Variants in EYS observed in about 807,000 individuals in gnomAD.
EYS encodes EGF-like photoreceptor maintenance factor, also known as protein eyes shut homolog.
A neutral mutation model predicts 282.1 loss-of-function variants in EYS; 250 were observed. That is an observed-to-expected ratio of 0.89 (90% confidence interval 0.80 to 0.98). The LOEUF (loss-of-function observed/expected upper bound fraction) is 0.98, where lower values mean the gene tolerates loss of function less well. Ranked by LOEUF, EYS falls within the 50% of genes least tolerant of loss-of-function variation. The pLI, the probability that EYS is intolerant of heterozygous loss-of-function variation, is 0.00. For synonymous variants in EYS, 1,355 were observed against 1,282.9 expected (o/e 1.06, Z -1.20); for missense variants, 4,016 against 3,709.0 (o/e 1.08, Z -2.15).
intron 35 of EYS, among the ~76,000 whole-genome samples, chr6:63,944,759 C>G (rs1011048464): frequency 3.3e-5 from 5 of 151,786 alleles, no homozygotes; most frequent in African/African-American, 1.2e-4. Context: ...AACCCCGTCT[C>G]TACTAAAAAA....
intron 42 of EYS, among the ~76,000 whole-genome samples, chr6:63,725,479 T>C (rs1225629232): frequency 1.3e-5 from 2 of 152,164 alleles, no homozygotes; most frequent in African/African-American, 4.8e-5. Context: ...AAGCTGATTG[T>C]CTTTTAATGT....
At chr6:64,391,690 A>G (rs1170721977) in intron 28 of EYS, among the ~76,000 whole-genome samples, 1 of 152,148 alleles carries the variant, frequency 6.6e-6, no homozygotes, top group South Asian at 2.1e-4. Flanking sequence ...TGTAAAGACC[A>G]TCAAGACTAG....
At chr6:64,241,926 G>A (rs1041368048) in intron 30 of EYS, among the ~76,000 whole-genome samples, 4 of 151,632 alleles carry the variant, frequency 2.6e-5, no homozygotes, top group South Asian at 2.1e-4. Context: ...CCTTCATTTC[G>A]TTATTTATTC....
intron 5 of EYS, among the ~76,000 whole-genome samples, chr6:65,448,543 T>C (rs1247361746): frequency 6.6e-6 from 1 of 152,064 alleles, no homozygotes; most frequent in African/African-American, 2.4e-5. Flanking sequence ...CATTAGAACA[T>C]GTCCTTATTC....
intron 8 of EYS, among the ~76,000 whole-genome samples, chr6:65,368,891 A>T (rs1263959754): frequency 6.6e-6 from 1 of 151,488 alleles, no homozygotes; most frequent in East Asian, 1.9e-4. Context: ...ATGAGAGGAG[A>T]TGTAAGGCAT....
chr6:65,374,253 T>C (rs1183334418), intron 8 of EYS, among the ~76,000 whole-genome samples: 1 of 151,954 alleles, frequency 6.6e-6, no homozygotes, highest in Non-Finnish European at 1.5e-5. Context: ...AGAAGCAGGG[T>C]GGGGCATTGC....
intron 22 of EYS, among the ~76,000 whole-genome samples, chr6:64,731,811 G>A (rs369380370): frequency 1.7e-4 from 26 of 152,212 alleles, no homozygotes; most frequent in East Asian, 1.5e-3. Flanking sequence ...CCATTACTGC[G>A]CATATACCCA....
chr6:64,165,559 C>T (rs771820795), intron 31 of EYS, among the ~76,000 whole-genome samples: 24 of 152,128 alleles, frequency 1.6e-4, no homozygotes, highest in Admixed American at 2.6e-4. Flanking sequence ...ATTACAAAGA[C>T]GAAGCATAGA....
chr6:65,133,797 G>A (rs935307550), intron 12 of EYS, among the ~76,000 whole-genome samples: 5 of 151,954 alleles, frequency 3.3e-5, no homozygotes, highest in Admixed American at 2.0e-4. Context: ...AAGAGCTTTT[G>A]CACAGCAAAA....
chr6:63,885,094 A>G lies in EYS; in HGVS notation c.7056-20736T>C, dbSNP rs146098493. On this transcript the variant is annotated intron_variant, in intron 35 of 42. Transcript: ENST00000503581. ...CAGGTTCTAAATGGAAATCTATTAT[A>G]TCCTCCCATATTTTAATCAGGACTT... 2.4e-3 allele frequency among the ~76,000 whole-genome samples: 365 copies of G among 152,294 alleles called. 5 individuals carry two copies. Among genetic ancestry groups the G allele is most frequent in the Admixed American group, 0.02 (313 of 15,290 alleles).
chr6:64,796,747 G>A (rs1562196492), intron 22 of EYS, among the ~76,000 whole-genome samples: 2 of 152,074 alleles, frequency 1.3e-5, no homozygotes, highest in African/African-American at 4.8e-5. Context: ...AGTTGAATAT[G>A]AACATTTCTA....
intron 31 of EYS, among the ~76,000 whole-genome samples, chr6:64,109,221 C>A (rs1773128317): frequency 6.6e-6 from 1 of 152,128 alleles, no homozygotes; most frequent in Admixed American, 6.6e-5. Context: ...ATTATTACAT[C>A]TTTCCTCCCA....
At chr6:64,706,861 T>C (rs1367469839) in intron 22 of EYS, among the ~76,000 whole-genome samples, 1 of 152,164 alleles carries the variant, frequency 6.6e-6, no homozygotes, top group Non-Finnish European at 1.5e-5. Flanking sequence ...TTTACACCAC[T>C]GGTGGGAATG....
At chr6:64,797,808 TTAAA>T (rs1200236332) in intron 22 of EYS, among the ~76,000 whole-genome samples, 1 of 152,016 alleles carries the variant, frequency 6.6e-6, no homozygotes, top group Admixed American at 6.6e-5. Flanking sequence ...CATGTAAATC[TTAAA>T]TAAGCAATAT....
At chr6:65,540,278 G>A (rs182962338) in intron 2 of EYS, among the ~76,000 whole-genome samples, 6 of 152,196 alleles carry the variant, frequency 3.9e-5, no homozygotes, top group African/African-American at 1.4e-4. Context: ...TCTAGTTTTA[G>A]TGGCATAAAT....
Position 65,495,104 on chromosome 6 carries a change from A to C in EYS, c.307T>G (p.Leu103Val). ...AAAGATGTTTCAGAAACATTCATCA[A>C]ATTTATTTCTGGAAATTGAAGAGAT... is the stretch of plus-strand genomic sequence containing the variant. ...EPSLQFPEIN[L>V]MNVSETSFVG... The change falls in exon 4 of 43, where the codon TTG becomes GTG. Residue 103 changes from leucine (L) to valine (V), a missense_variant. Leu to Val is a conservative substitution (Grantham distance 32). Coordinates refer to ENST00000503581, the MANE Select transcript of EYS (RefSeq NM_001142800.2). The C allele has an allele frequency of 6.2e-7, 1 of 1,614,152 alleles. No homozygotes were observed. Among genetic ancestry groups the C allele is most frequent in the Non-Finnish European group, 8.5e-7 (1 of 1,180,008 alleles).
intron 13 of EYS, among the ~76,000 whole-genome samples, chr6:65,021,578 T>TC (rs1384110728): frequency 6.6e-6 from 1 of 152,246 alleles, no homozygotes; most frequent in Non-Finnish European, 1.5e-5. Context: ...CATTTTTCTG[T>TC]CTTTTTCTGA....
chr6:64,109,726 T>C (rs1213963393), intron 31 of EYS, among the ~76,000 whole-genome samples: 2 of 152,082 alleles, frequency 1.3e-5, no homozygotes, highest in Non-Finnish European at 2.9e-5. Context: ...AAAAGTACAT[T>C]AGAAAGTCCA....
intron 19 of EYS, among the ~76,000 whole-genome samples, chr6:64,855,648 T>A (rs574431771): frequency 6.6e-6 from 1 of 152,234 alleles, no homozygotes; most frequent in East Asian, 1.9e-4. Context: ...GTTCATAGAT[T>A]ATATTAGGGT....
Sources: allele counts gnomAD v4.1 joint callset (sites outside exome capture counted in the v4.1 genomes callset), GRCh38; gene constraint gnomAD v4.1.1; transcripts MANE v1.5; gene names NCBI Gene and HGNC (gene_info 2026-07-23, HGNC 2026-07-21).